KLF13: variants seen among roughly 807,000 people sequenced by gnomAD.
KLF13 encodes Krueppel-like factor 13.
A neutral mutation model predicts 16.7 loss-of-function variants in KLF13; 8 were observed. The observed-to-expected ratio is 0.48, with a 90% CI of 0.28 to 0.87. KLF13 has a LOEUF of 0.87. Among genes scored for constraint, KLF13 ranks in the 40% least tolerant of loss-of-function variants. The pLI is 0.10. For synonymous variants in KLF13, 245 were observed against 208.4 expected (o/e 1.18, Z -1.51); for missense variants, 447 against 452.2 (o/e 0.99, Z 0.10).
At chr15:31,366,603 G>A (rs2039475536) in intron 1 of KLF13, 1 of 152,406 alleles carries the variant, frequency 6.6e-6, no homozygotes, top group South Asian at 2.1e-4. Context: ...TGCCCGGGTG[G>A]AGGCAGATGC....
At chr15:31,417,494 C>CAAATAAAATA (rs147776112) in intron 1 of KLF13, among the ~76,000 whole-genome samples, 17 of 151,000 alleles carry the variant, frequency 1.1e-4, no homozygotes, top group African/African-American at 3.7e-4. Flanking sequence ...GACTCTGTCT[C>CAAATAAAATA]AAATAAAATA....
At chr15:31,429,889 A>C (rs892692781) in intron 1 of KLF13, among the ~76,000 whole-genome samples, 1 of 151,934 alleles carries the variant, frequency 6.6e-6, no homozygotes, top group Non-Finnish European at 1.5e-5. Flanking sequence ...ACCCGCCACT[A>C]TGCCTGGTTA....
chr15:31,341,484 C>G (rs1353843656), intron 1 of KLF13, among the ~76,000 whole-genome samples: 1 of 149,614 alleles, frequency 6.7e-6, no homozygotes, highest in African/African-American at 2.5e-5. Context: ...GAAACAGACA[C>G]ATAGACAATT....
downstream of KLF13, among the ~76,000 whole-genome samples, chr15:31,381,171 C>CAA (rs398043115): frequency 1.1e-4 from 13 of 121,514 alleles, 2 homozygotes; most frequent in Admixed American, 1.8e-4. Context: ...GACTCTGTCT[C>CAA]AAAAAAAAAA....
At chr15:31,405,921 GAATAA>G (rs2040123101), downstream of KLF13, among the ~76,000 whole-genome samples, 1 of 152,192 alleles carries the variant, frequency 6.6e-6, no homozygotes, top group African/African-American at 2.4e-5. Context: ...GCAATGAATA[GAATAA>G]GAGTCATAAT....
intron 2 of KLF13, among the ~76,000 whole-genome samples, chr15:31,398,915 G>A (rs1204565037): frequency 2.0e-5 from 3 of 152,164 alleles, no homozygotes; most frequent in African/African-American, 4.8e-5. Flanking sequence ...CCCACTGGGC[G>A]GGGCTGTGTC....
intron 1 of KLF13, among the ~76,000 whole-genome samples, chr15:31,336,052 G>T (rs1237280412): frequency 6.6e-6 from 1 of 152,358 alleles, no homozygotes; most frequent in South Asian, 2.1e-4. Context: ...AGAGGATGAC[G>T]TGGGCTCAGA....
At chr15:31,413,544 C>A (rs1465441813) in intron 1 of KLF13, among the ~76,000 whole-genome samples, 1 of 151,922 alleles carries the variant, frequency 6.6e-6, no homozygotes, top group African/African-American at 2.4e-5. Context: ...AAACACAGGT[C>A]AGAAGGCAGT....
At chr15:31,395,829 A>G (rs1188896275) in intron 2 of KLF13, among the ~76,000 whole-genome samples, 3 of 152,174 alleles carry the variant, frequency 2.0e-5, no homozygotes, top group African/African-American at 7.2e-5. Context: ...GGAAACCCCC[A>G]AAGTATGTGG....
At chr15:31,430,905 T>C (rs2040464028) in intron 1 of KLF13, among the ~76,000 whole-genome samples, 1 of 152,164 alleles carries the variant, frequency 6.6e-6, no homozygotes, top group African/African-American at 2.4e-5. Flanking sequence ...TGGAGGAGGA[T>C]GTAACAGTAT....
chr15:31,383,864 T>C (rs1379227354), intron 1 of KLF13, among the ~76,000 whole-genome samples: 1 of 152,062 alleles, frequency 6.6e-6, no homozygotes, highest in Admixed American at 6.6e-5. Context: ...ATCACGCCAC[T>C]GCACTCCAGC....
At chr15:31,413,943 A>C (rs2040226108) in intron 1 of KLF13, among the ~76,000 whole-genome samples, 1 of 152,224 alleles carries the variant, frequency 6.6e-6, no homozygotes, top group Non-Finnish European at 1.5e-5. Context: ...CATATATGTG[A>C]AATATATTTG....
Position 31,357,644 on chromosome 15 carries a change from G to T in KLF13, c.578-14366G>T, listed in dbSNP as rs114312334. Among the ~76,000 whole-genome samples, 818 of 152,268 alleles carry T rather than the reference G, an allele frequency of 5.4e-3. 8 individuals carry two copies. The highest frequency in any genetic ancestry group is 0.019 in the African/African-American group (791 of 41,538). On this transcript the variant is annotated intron_variant, in intron 1 of 1. Coordinates refer to ENST00000307145, the MANE Select transcript of KLF13 (RefSeq NM_015995.4). The stretch of plus-strand genomic sequence containing the variant: ...CTGGAGGCTGCCCTACTCTGAGCTG[G>T]GTCTGGAGTCGTCAGTCCAGAGCTC...
intron 2 of KLF13, among the ~76,000 whole-genome samples, chr15:31,401,655 G>A (rs956398012): frequency 2.0e-5 from 3 of 152,190 alleles, no homozygotes; most frequent in African/African-American, 7.2e-5. Flanking sequence ...AACACTCAGC[G>A]GGAAAGACTA....
chr15:31,404,926 A>AG (rs1411830037), downstream of KLF13, among the ~76,000 whole-genome samples: 1 of 152,180 alleles, frequency 6.6e-6, no homozygotes, highest in African/African-American at 2.4e-5. Flanking sequence ...TGGAGAGAAC[A>AG]GTGGGGGGAG....
At chr15:31,389,836 G>A (rs2039837416), upstream of KLF13, among the ~76,000 whole-genome samples, 1 of 152,122 alleles carries the variant, frequency 6.6e-6, no homozygotes, top group African/African-American at 2.4e-5. Context: ...CGCTGGGCCA[G>A]GGGCACATTT....
At chr15:31,384,056 G>A (rs911549123) in intron 1 of KLF13, among the ~76,000 whole-genome samples, 9 of 152,198 alleles carry the variant, frequency 5.9e-5, no homozygotes, top group Non-Finnish European at 1.3e-4. Flanking sequence ...GGTGAGGTAG[G>A]TTGCAAAACA....
Position 31,376,512 on chromosome 15 carries a change from T to A in KLF13, c.*4213T>A, listed in dbSNP as rs903735903. The stretch of plus-strand genomic sequence containing the variant: ...CACCATATTTTCCAAAGCTAAAATC[T>A]GAGGCGTGGGCTGATGGTTTTTGAA... On this transcript the variant is annotated 3_prime_UTR_variant, in exon 2 of 2. Transcript: ENST00000307145. The A allele has an allele frequency of 4.6e-5, 7 of 152,552 alleles. No homozygotes were observed. Among genetic ancestry groups the A allele is most frequent in the Admixed American group, 3.3e-4 (5 of 15,290 alleles). 9.4% of individuals were successfully genotyped at this position (152,552 alleles called of 1,614,324 possible). A position where few individuals can be genotyped will look rare whatever the true frequency, so the allele number is the denominator to read the frequency against.
intron 1 of KLF13, among the ~76,000 whole-genome samples, chr15:31,415,817 G>C (rs900055378): frequency 1.3e-5 from 2 of 151,806 alleles, no homozygotes; most frequent in Non-Finnish European, 1.5e-5. Flanking sequence ...AAAAACAATA[G>C]ATGGACAATA....
Sources: gnomAD v4.1 joint callset for allele counts (sites outside exome capture counted in the v4.1 genomes callset) on GRCh38, gnomAD v4.1.1 for gene constraint, MANE v1.5 for transcripts, NCBI Gene and HGNC (gene_info 2026-07-23, HGNC 2026-07-21) for gene names.